The following DST variants were observed in gnomAD, a reference collection of about 807,000 sequenced individuals.
DST encodes the protein dystonin.
A neutral mutation model predicts 875.2 loss-of-function variants in DST; 253 were observed. The ratio of observed to expected loss-of-function variants is 0.29; its 90% CI spans 0.26 to 0.32. DST has a LOEUF of 0.32. Ranked by LOEUF, DST falls within the 10% of genes least tolerant of loss-of-function variation. The pLI, the probability that DST is intolerant of heterozygous loss-of-function variation, is 1.00. For synonymous variants in DST, 3,124 were observed against 3,197.1 expected (o/e 0.98, Z 0.77); for missense variants, 8,287 against 9,111.6 (o/e 0.91, Z 3.68).
rs74474507 is a variant in DST at position 56,482,517 on chromosome 6, T to C, written c.21402+166A>G. 0.011 allele frequency: 6,788 copies of C among 640,690 alleles called. 66 individuals carry two copies. Among genetic ancestry groups the C allele is most frequent in the Non-Finnish European group, 0.014 (5,557 of 400,998 alleles). 39.7% of individuals were successfully genotyped at this position (640,690 alleles called of 1,614,324 possible). On this transcript the variant is annotated intron_variant, in intron 89 of 103. Transcript: ENST00000680361. ...TCCCTCTAGCAGTAATTTAAATTCA[T>C]GAGGGAGGGTGGGAGAAGGATCAAG...
Position 56,506,422 on chromosome 6 carries a change from C to T in DST, c.19464+21G>A, listed in dbSNP as rs760689785. The T allele has an allele frequency of 8.8e-6, 14 of 1,590,226 alleles. No individual in the cohort carries two copies. In the African/African-American group the frequency reaches 1.6e-4, roughly 18 times the overall value. On this transcript the variant is annotated intron_variant, in intron 77 of 103. Coordinates refer to ENST00000680361, the MANE Select transcript of DST (RefSeq NM_001374736.1). ...TTCCTCCTTCCAGCTAAGACCAGCA[C>T]ATACACTGTAATCCCCTTACCTGCA...
At chr6:56,558,251 T>G (rs566398793) in intron 58 of DST, among the ~76,000 whole-genome samples, 2 of 152,308 alleles carry the variant, frequency 1.3e-5, no homozygotes, top group African/African-American at 4.8e-5. Flanking sequence ...AAATTATTTG[T>G]ATTTTTTACA....
chr6:56,839,017 T>C (rs1238105551), intron 4 of DST, among the ~76,000 whole-genome samples: 1 of 152,240 alleles, frequency 6.6e-6, no homozygotes. Flanking sequence ...CATTCTTTCC[T>C]TATTCTTTAC....
intron 92 of DST, among the ~76,000 whole-genome samples, chr6:56,475,559 G>A (rs2095144234): frequency 6.6e-6 from 1 of 152,166 alleles, no homozygotes; most frequent in Non-Finnish European, 1.5e-5. Context: ...CCCATCATTT[G>A]AGTTTAAAAC....
At chr6:56,839,163 G>A (rs955398641) in intron 4 of DST, among the ~76,000 whole-genome samples, 2 of 152,276 alleles carry the variant, frequency 1.3e-5, no homozygotes, top group African/African-American at 2.4e-5. Context: ...TGGAAGAGGA[G>A]CAGCCATCTT....
At chr6:56,694,617 T>C (rs1183130982) in intron 9 of DST, among the ~76,000 whole-genome samples, 1 of 152,108 alleles carries the variant, frequency 6.6e-6, no homozygotes, top group East Asian at 1.9e-4. Context: ...TGTACTAACA[T>C]GATGGAGGGG....
At chr6:56,774,765 G>A (rs2099674723) in intron 4 of DST, among the ~76,000 whole-genome samples, 1 of 152,106 alleles carries the variant, frequency 6.6e-6, no homozygotes, top group Non-Finnish European at 1.5e-5. Flanking sequence ...GGCCGAGATG[G>A]GCTGATCACC....
chr6:56,489,001 G>A lies in DST; in HGVS notation c.20877+489C>T, dbSNP rs184590417. On this transcript the variant is annotated intron_variant, in intron 86 of 103. Coordinates refer to ENST00000680361, the MANE Select transcript of DST (RefSeq NM_001374736.1). ...TTTGAGGTTGGGTGGAATTTTATAC[G>A]TGCACAAACACAATAAAATATTAAT... Among the ~76,000 whole-genome samples, 145 of 152,184 alleles carry A rather than the reference G, an allele frequency of 9.5e-4. 2 individuals are homozygous for A. Among genetic ancestry groups the A allele is most frequent in the Middle Eastern group, 3.4e-3 (1 of 294 alleles).
chr6:56,614,548 C>G, intron 36 of DST, 64 bp from the exon 37 acceptor site: 1 of 1,404,462 alleles, frequency 7.1e-7, no homozygotes, highest in South Asian at 1.9e-5. Flanking sequence ...TTAAACTGAC[C>G]TCTCCATAGC....
At chr6:56,594,336 G>A (rs1264493620) in intron 47 of DST, 143 bp from the exon 48 acceptor site, 12 of 583,254 alleles carry the variant, frequency 2.1e-5, no homozygotes, top group South Asian at 7.7e-5. Flanking sequence ...AAGCTATACC[G>A]TACTCCCTTT....
chr6:56,737,121 G>C (rs549149100), intron 4 of DST, among the ~76,000 whole-genome samples: 1 of 152,292 alleles, frequency 6.6e-6, no homozygotes, highest in African/African-American at 2.4e-5. Context: ...TTGAGCCCAG[G>C]AGCTCAAGGC....
At chr6:56,668,209 T>C (rs2099081781) in intron 10 of DST, among the ~76,000 whole-genome samples, 2 of 152,182 alleles carry the variant, frequency 1.3e-5, no homozygotes, top group Admixed American at 6.6e-5. Context: ...ATAGAATGTG[T>C]CCAGCTGCAC....
Position 56,651,067 on chromosome 6 carries a change from T to A in DST, c.1328-35A>T. 2.5e-6 allele frequency: 4 copies of A among 1,587,552 alleles called. No homozygotes were observed. In the South Asian group the frequency reaches 4.4e-5, roughly 18 times the overall value. ...GCAACATAAATTAATTATTTCACAA[T>A]GTTGATAAATTACTTTTGATCAGAC... On this transcript the variant is annotated intron_variant, in intron 11 of 103. Transcript: ENST00000680361.
chr6:56,499,565 C>T (rs992468793), intron 80 of DST, among the ~76,000 whole-genome samples: 2 of 152,102 alleles, frequency 1.3e-5, no homozygotes, highest in African/African-American at 4.8e-5. Flanking sequence ...CGGAAACATT[C>T]GCCCCTTCCT....
intron 2 of DST, among the ~76,000 whole-genome samples, chr6:56,915,985 C>G (rs1320911649): frequency 6.6e-6 from 1 of 152,198 alleles, no homozygotes; most frequent in African/African-American, 2.4e-5. Context: ...CCTATCATGA[C>G]TGAGGCAGGC....
intron 50 of DST, among the ~76,000 whole-genome samples, chr6:56,574,826 A>G (rs552278278): frequency 4.6e-5 from 7 of 152,304 alleles, no homozygotes; most frequent in Admixed American, 4.6e-4. Context: ...AGAATTTGAA[A>G]AATATTTTAA....
chr6:56,569,801 T>C (rs1344088166), intron 54 of DST, 55 bp downstream of exon 54: 3 of 1,492,328 alleles, frequency 2.0e-6, no homozygotes, highest in African/African-American at 1.4e-5. Context: ...ATTAGTCTTT[T>C]AATCTTTCAT....
At chr6:56,644,465 ATGT>A (rs774847163) in intron 15 of DST, among the ~76,000 whole-genome samples, 100 of 145,294 alleles carry the variant, frequency 6.9e-4, no homozygotes, top group Non-Finnish European at 1.1e-3. Context: ...AGCACCTCTA[ATGT>A]TGTGTCAGGC....
intron 4 of DST, among the ~76,000 whole-genome samples, chr6:56,846,773 GT>G (rs1293362811): frequency 6.6e-6 from 1 of 152,076 alleles, no homozygotes; most frequent in Non-Finnish European, 1.5e-5. Context: ...GGAGGCCAAG[GT>G]GGGCAGATTG....
Sources: allele counts gnomAD v4.1 joint callset (sites outside exome capture counted in the v4.1 genomes callset), GRCh38; gene constraint gnomAD v4.1.1; transcripts MANE v1.5; gene names NCBI Gene and HGNC (gene_info 2026-07-23, HGNC 2026-07-21).